Variants in ANAPC5 observed in about 807,000 individuals in gnomAD.
The protein encoded by ANAPC5 is anaphase promoting complex subunit 5.
ANAPC5 carries 60 observed loss-of-function variants against 91.3 expected under a neutral mutation model. The ratio of observed to expected loss-of-function variants is 0.66; its 90% CI spans 0.53 to 0.81. The LOEUF (loss-of-function observed/expected upper bound fraction) is 0.81. Among genes scored for constraint, ANAPC5 ranks in the 40% least tolerant of loss-of-function variants. The pLI, the probability that ANAPC5 is intolerant of heterozygous loss-of-function variation, is 0.00. For missense variants in ANAPC5, 690 were observed against 931.5 expected, an observed-to-expected ratio of 0.74 and a Z score of 3.37; for synonymous variants, 340 against 364.1, an observed-to-expected ratio of 0.93 and a Z score of 0.75.
Position 121,342,656 on chromosome 12 carries a change from C to G in ANAPC5, c.591-587G>C, listed in dbSNP as rs1903502800. Among the ~76,000 whole-genome samples the G allele has an allele frequency of 6.6e-6, 1 of 152,192 alleles. No homozygotes were observed. The highest frequency in any genetic ancestry group is 6.5e-5 in the Admixed American group (1 of 15,274). ...CAGGTGGATCACAAGGTCAAGAGAT[C>G]AAGACCATCCTGACCAACATGGTGA... On this transcript the variant is annotated intron_variant, in intron 4 of 16. Coordinates refer to ENST00000261819, the MANE Select transcript of ANAPC5 (RefSeq NM_016237.5). This position sits in a 1 kb window ranked among gnomAD's most constrained non-coding sequence, Gnocchi z 4.1.
At chr12:121,322,243 C>A (rs1902646863) in intron 11 of ANAPC5, among the ~76,000 whole-genome samples, 1 of 151,584 alleles carries the variant, frequency 6.6e-6, no homozygotes, top group Admixed American at 6.6e-5. Flanking sequence ...ACTGCAACCT[C>A]CACCTCCCAG....
At chr12:121,321,812 A>G (rs760587461) in intron 11 of ANAPC5, among the ~76,000 whole-genome samples, 2 of 151,888 alleles carry the variant, frequency 1.3e-5, no homozygotes, top group Non-Finnish European at 2.9e-5. Context: ...TGCTGGGATT[A>G]CAGGCATGAG....
chr12:121,327,491 C>A, intron 10 of ANAPC5: 1 of 481,374 alleles, frequency 2.1e-6, no homozygotes, highest in Non-Finnish European at 3.7e-6. Context: ...TCCCCCCGCC[C>A]CCACCCCATG....
intron 1 of ANAPC5, chr12:121,351,000 T>C: frequency 2.4e-6 from 1 of 409,356 alleles, no homozygotes; most frequent in East Asian, 7.7e-5. Flanking sequence ...ATTGTTCCCA[T>C]TTTACAGAGA....
At chr12:121,318,753 G>A in intron 13 of ANAPC5, 145 bp from the exon 14 acceptor site, 1 of 695,176 alleles carries the variant, frequency 1.4e-6, no homozygotes, top group Non-Finnish European at 2.4e-6. Context: ...GAGCGCGGTG[G>A]CTCACACCTG....
rs187110877 is a variant in ANAPC5 at position 121,316,159 on chromosome 12, C to T, written c.1893+2118G>A. Among the ~76,000 whole-genome samples, 10 of 152,174 alleles carry T rather than the reference C, an allele frequency of 6.6e-5. No homozygotes were observed. In the East Asian group the frequency reaches 1.7e-3, roughly 26 times the overall value. On this transcript the variant is annotated intron_variant, in intron 15 of 16. Coordinates refer to ENST00000261819, the MANE Select transcript of ANAPC5 (RefSeq NM_016237.5). ...TCGGAATAGACGTTTCTCCAAAGAACATATGCAAATGGCCAATAAGCACAT... is the reference window on the plus strand; with the variant it reads ...TCGGAATAGACGTTTCTCCAAAGAATATATGCAAATGGCCAATAAGCACAT...
chr12:121,346,865 A>T, intron 3 of ANAPC5, 31 bp downstream of exon 3: 1 of 1,397,492 alleles, frequency 7.2e-7, no homozygotes, highest in Non-Finnish European at 9.9e-7. Context: ...CAATGAAAAT[A>T]CTCTCTGCTC....
intron 7 of ANAPC5, chr12:121,333,799 C>G (rs1411233017): frequency 1.3e-5 from 2 of 152,214 alleles, no homozygotes; most frequent in Non-Finnish European, 2.9e-5. Flanking sequence ...AATCTAAGCT[C>G]TTTTCACATG....
intron 2 of ANAPC5, chr12:121,347,306 A>G (rs1903706116): frequency 5.8e-6 from 2 of 346,368 alleles, no homozygotes; most frequent in Non-Finnish European, 1.0e-5. Flanking sequence ...AAATTTGGGG[A>G]AAAAAGCTAT....
chr12:121,323,749 G>C (rs1379002120), intron 11 of ANAPC5, among the ~76,000 whole-genome samples: 2 of 152,162 alleles, frequency 1.3e-5, no homozygotes, highest in Non-Finnish European at 2.9e-5. Context: ...TTTATTTGAA[G>C]TGAATAAGCA....
At chr12:121,343,110 T>C (rs1903524446) in intron 4 of ANAPC5, among the ~76,000 whole-genome samples, 1 of 152,174 alleles carries the variant, frequency 6.6e-6, no homozygotes, top group Non-Finnish European at 1.5e-5. Context: ...TATTGGATTA[T>C]ACATAAATGA....
At chr12:121,309,534 C>T (rs1300261218) in intron 16 of ANAPC5, among the ~76,000 whole-genome samples, 167 bp downstream of exon 16, 2 of 152,162 alleles carry the variant, frequency 1.3e-5, no homozygotes, top group Admixed American at 6.5e-5. Flanking sequence ...TTCTGCCAAG[C>T]ATGCATGTGA....
intron 16 of ANAPC5, 144 bp from the exon 17 acceptor site, chr12:121,308,835 C>T: frequency 2.7e-6 from 2 of 741,894 alleles, no homozygotes; most frequent in Non-Finnish European, 4.5e-6. Flanking sequence ...AAAAACAAAC[C>T]ACTAGGGTGA....
chr12:121,316,655 C>T (rs934534199), intron 15 of ANAPC5, among the ~76,000 whole-genome samples: 3 of 149,800 alleles, frequency 2.0e-5, no homozygotes, highest in African/African-American at 7.4e-5. Flanking sequence ...ATGGCATGAA[C>T]CCGGGAGGCG....
chr12:121,328,105 G>T (rs891013275), intron 10 of ANAPC5: 2 of 499,734 alleles, frequency 4.0e-6, no homozygotes, highest in African/African-American at 3.8e-5. Flanking sequence ...TCACAAAGTG[G>T]TTGGGAGGAG....
chr12:121,318,095 G>A, intron 15 of ANAPC5, 182 bp downstream of exon 15: 1 of 596,256 alleles, frequency 1.7e-6, no homozygotes, highest in South Asian at 5.6e-5. Flanking sequence ...GAAAGTGTCA[G>A]TTTGTCACCA....
At chr12:121,348,053 C>T (rs1903739993) in intron 1 of ANAPC5, among the ~76,000 whole-genome samples, 172 bp from the exon 2 acceptor site, 1 of 152,142 alleles carries the variant, frequency 6.6e-6, no homozygotes, top group Non-Finnish European at 1.5e-5. Flanking sequence ...CATTTGCATA[C>T]CATTTTTGTC....
chr12:121,346,643 A>C (rs1401340517), intron 3 of ANAPC5: 4 of 323,674 alleles, frequency 1.2e-5, no homozygotes, highest in Non-Finnish European at 1.7e-5. Context: ...GACTGTGAGA[A>C]AGAGCTGGGA....
chr12:121,313,401 A>G (rs1255791068), intron 15 of ANAPC5, among the ~76,000 whole-genome samples: 1 of 152,186 alleles, frequency 6.6e-6, no homozygotes, highest in Non-Finnish European at 1.5e-5. Context: ...AGGAAAAAAT[A>G]AGGATTAAAG....
Sources: allele counts gnomAD v4.1 joint callset (sites outside exome capture counted in the v4.1 genomes callset), GRCh38; gene constraint gnomAD v4.1.1; non-coding constraint Gnocchi (gnomAD v3.1); transcripts MANE v1.5; gene names NCBI Gene and HGNC (gene_info 2026-07-23, HGNC 2026-07-21).